ZFHX3: variants seen among roughly 807,000 people sequenced by gnomAD.
ZFHX3 encodes zinc finger homeobox protein 3.
ZFHX3 carries 42 observed loss-of-function variants against 279.1 expected under a neutral mutation model. The observed-to-expected ratio is 0.15, with a 90% CI of 0.12 to 0.19. The LOEUF (loss-of-function observed/expected upper bound fraction) is 0.19, where lower values mean the gene tolerates loss of function less well. Ranked by LOEUF, ZFHX3 falls within the 10% of genes least tolerant of loss-of-function variation. ZFHX3 has a pLI of 1.00. For synonymous variants in ZFHX3, 2,293 were observed against 1,957.8 expected, an observed-to-expected ratio of 1.17 and a Z score of -4.52; for missense variants, 4,981 against 4,754.0, an observed-to-expected ratio of 1.05 and a Z score of -1.40.
chr16:72,906,503 C>A (rs1025871751), intron 3 of ZFHX3, among the ~76,000 whole-genome samples: 1 of 151,978 alleles, frequency 6.6e-6, no homozygotes, highest in East Asian at 1.9e-4. Context: ...GAAAACTGCA[C>A]CAAAAAAGCT....
intron 2 of ZFHX3, among the ~76,000 whole-genome samples, chr16:73,597,083 C>A (rs2052058640): frequency 6.6e-6 from 1 of 152,166 alleles, no homozygotes; most frequent in African/African-American, 2.4e-5. Flanking sequence ...ACCTGAATGA[C>A]TCATATTTCA....
intron 4 of ZFHX3, among the ~76,000 whole-genome samples, chr16:72,840,366 T>C (rs2037316028): frequency 6.6e-6 from 1 of 152,102 alleles, no homozygotes; most frequent in Non-Finnish European, 1.5e-5. Flanking sequence ...CGGTGATGGA[T>C]GCAATCTATA....
intron 3 of ZFHX3, among the ~76,000 whole-genome samples, chr16:73,343,942 G>A (rs527901085): frequency 6.6e-6 from 1 of 152,158 alleles, no homozygotes; most frequent in Non-Finnish European, 1.5e-5. Context: ...ACTCATAAAT[G>A]TGAAATGATG....
At chr16:73,341,038 A>G (rs1165781738) in intron 3 of ZFHX3, among the ~76,000 whole-genome samples, 1 of 152,180 alleles carries the variant, frequency 6.6e-6, no homozygotes, top group Non-Finnish European at 1.5e-5. Context: ...TGAAATATAC[A>G]AAGTCTTCTT....
chr16:73,391,103 G>A, intron 3 of ZFHX3, among the ~76,000 whole-genome samples: 1 of 152,132 alleles, frequency 6.6e-6, no homozygotes, highest in East Asian at 1.9e-4. Flanking sequence ...AGCGTGGGAG[G>A]CACAGCCTGC....
intron 4 of ZFHX3, among the ~76,000 whole-genome samples, chr16:72,875,182 A>G (rs990358625): frequency 3.9e-5 from 6 of 152,186 alleles, no homozygotes; most frequent in Admixed American, 1.3e-4. Flanking sequence ...GAGAATTCCC[A>G]TAGGGAACTC....
In ZFHX3 at chr16:73,552,656, G is replaced by A. The variant is rs139225331; in HGVS notation, c.-1546-96398C>T. 6.9e-3 allele frequency among the ~76,000 whole-genome samples: 1,053 copies of A among 152,250 alleles called. 10 individuals carry two copies. The highest frequency in any genetic ancestry group is 0.012 in the Non-Finnish European group (801 of 68,014). ...TTAGATATTTTTCTGAGGACTAGAAGACTGAATTTTCTCTGAACTCTGTTC... is the reference window on the plus strand; with the variant it reads ...TTAGATATTTTTCTGAGGACTAGAAAACTGAATTTTCTCTGAACTCTGTTC... On this transcript the variant is annotated intron_variant, in intron 2 of 17. Transcript: ENST00000641206.
At chr16:72,940,377 C>T (rs540132874) in intron 3 of ZFHX3, among the ~76,000 whole-genome samples, 9 of 152,292 alleles carry the variant, frequency 5.9e-5, no homozygotes, top group African/African-American at 1.7e-4. Context: ...TCTGGGAAAT[C>T]CTGTGCCTCT....
chr16:73,280,472 A>C lies in ZFHX3; in HGVS notation c.-1193-23336T>G, dbSNP rs149412734. 2.6e-3 allele frequency among the ~76,000 whole-genome samples: 402 copies of C among 152,316 alleles called. 4 individuals carry two copies. Among genetic ancestry groups the C allele is most frequent in the Admixed American group, 0.023 (356 of 15,294 alleles). Reference sequence around the variant, plus strand: ...AACTAAGTTGACATTTCTCCAAAGAAGACATACAAATAACCAATAGACACA... The same window carrying C: ...AACTAAGTTGACATTTCTCCAAAGACGACATACAAATAACCAATAGACACA... On this transcript the variant is annotated intron_variant, in intron 4 of 17. Transcript: ENST00000641206.
At chr16:72,889,551 G>C (rs78069158) in intron 4 of ZFHX3, among the ~76,000 whole-genome samples, 180 bp downstream of exon 4, 1 of 151,648 alleles carries the variant, frequency 6.6e-6, no homozygotes, top group African/African-American at 2.4e-5. Context: ...ACAGAAAGGC[G>C]GGCAGGCAAC....
intron 3 of ZFHX3, among the ~76,000 whole-genome samples, chr16:73,373,068 A>G (rs1217782087): frequency 1.3e-5 from 2 of 152,068 alleles, no homozygotes; most frequent in African/African-American, 4.8e-5. Context: ...TGAGGCTTCT[A>G]ACTTTTCCAG....
In ZFHX3 at chr16:73,149,913, G is replaced by A. The variant is rs575944962; in HGVS notation, c.-1103-6082C>T. On this transcript the variant is annotated intron_variant, in intron 5 of 17. Transcript: ENST00000641206. ...TAGTCAGACCGCTTTGGAGGCCCAA[G>A]TTCTCAGATGCTTCCATCTGACACC... 3.9e-5 allele frequency among the ~76,000 whole-genome samples: 6 copies of A among 152,302 alleles called. No individual in the cohort carries two copies. The East Asian group carries it at 1.2e-3, about 29-fold the overall frequency.
intron 7 of ZFHX3, among the ~76,000 whole-genome samples, chr16:72,800,632 AAGAAG>A (rs1465627237): frequency 6.6e-6 from 1 of 152,222 alleles, no homozygotes; most frequent in Non-Finnish European, 1.5e-5. Context: ...GTAAGAAGAA[AAGAAG>A]AGAACAAAGG....
chr16:73,088,130 A>G (rs1966030088), intron 8 of ZFHX3, among the ~76,000 whole-genome samples: 1 of 141,074 alleles, frequency 7.1e-6, no homozygotes. Flanking sequence ...ACCTGGCCTA[A>G]ACTTTCATTT....
chr16:73,364,175 C>CAAAAA (rs11301710), intron 3 of ZFHX3, among the ~76,000 whole-genome samples: 1 of 142,336 alleles, frequency 7.0e-6, no homozygotes, highest in Non-Finnish European at 1.5e-5. Context: ...GACCCTGTTT[C>CAAAAA]AAAAAAAAAA....
intron 5 of ZFHX3, among the ~76,000 whole-genome samples, chr16:73,229,599 A>G (rs2012709171): frequency 6.6e-6 from 1 of 152,228 alleles, no homozygotes. Context: ...AATGAGATTT[A>G]CATGCAGACG....
At chr16:72,852,109 T>C (rs1320125771) in intron 4 of ZFHX3, among the ~76,000 whole-genome samples, 4 of 152,188 alleles carry the variant, frequency 2.6e-5, no homozygotes, top group South Asian at 2.1e-4. Context: ...AAACAAAATA[T>C]AGAAACAAAA....
chr16:73,823,739 G>C (rs1331521540), intron 1 of ZFHX3, among the ~76,000 whole-genome samples: 2 of 152,182 alleles, frequency 1.3e-5, no homozygotes, highest in African/African-American at 2.4e-5. Flanking sequence ...TTACACAAAA[G>C]TTTGCTGACT....
chr16:73,863,012 C>T (rs1195759067), intron 1 of ZFHX3, among the ~76,000 whole-genome samples: 1 of 128,130 alleles, frequency 7.8e-6, no homozygotes, highest in Non-Finnish European at 1.7e-5. Context: ...GGAGACCAGC[C>T]TGGCCAACAT....
Sources: allele counts gnomAD v4.1 joint callset (sites outside exome capture counted in the v4.1 genomes callset), GRCh38; gene constraint gnomAD v4.1.1; transcripts MANE v1.5; gene names NCBI Gene and HGNC (gene_info 2026-07-23, HGNC 2026-07-21).